Variants in C8orf34 observed in about 807,000 individuals in gnomAD.
C8orf34 encodes the protein chromosome 8 open reading frame 34, also known as uncharacterized protein C8orf34.
In C8orf34, 65 loss-of-function variants were observed where a neutral mutation model predicts 68.3. The observed-to-expected ratio is 0.95, with a 90% confidence interval of 0.78 to 1.17. The LOEUF (loss-of-function observed/expected upper bound fraction) is 1.17. C8orf34 is among the 50% of genes most tolerant of loss of function. The pLI, the probability that C8orf34 is intolerant of heterozygous loss-of-function variation, is 0.00. For missense variants in C8orf34, 664 were observed against 655.4 expected (o/e 1.01, Z -0.14); for synonymous variants, 244 against 241.2 (o/e 1.01, Z -0.11).
chr8:68,755,510 C>A (rs1390575845), intron 10 of C8orf34, among the ~76,000 whole-genome samples: 1 of 152,030 alleles, frequency 6.6e-6, no homozygotes, highest in African/African-American at 2.4e-5. Context: ...TATCTGATAC[C>A]AATTTTACAG....
At chr8:68,383,973 A>T (rs917790808) in intron 1 of C8orf34, among the ~76,000 whole-genome samples, 5 of 152,224 alleles carry the variant, frequency 3.3e-5, no homozygotes, top group Non-Finnish European at 7.3e-5. Flanking sequence ...GGATTTTGGT[A>T]TAGATGCTGG....
chr8:68,662,505 T>A (rs1468950011), intron 8 of C8orf34, among the ~76,000 whole-genome samples: 1 of 152,166 alleles, frequency 6.6e-6, no homozygotes, highest in Non-Finnish European at 1.5e-5. Context: ...CTCGTTGTGG[T>A]GAATAAGTCT....
At chr8:68,800,368 T>G (rs958375163) in intron 12 of C8orf34, among the ~76,000 whole-genome samples, 10 of 151,960 alleles carry the variant, frequency 6.6e-5, no homozygotes, top group Non-Finnish European at 7.4e-5. Context: ...GTAATTTGGG[T>G]TTTTTTTAAG....
At chr8:68,493,423 C>A (rs1793544959) in intron 5 of C8orf34, among the ~76,000 whole-genome samples, 1 of 152,054 alleles carries the variant, frequency 6.6e-6, no homozygotes, top group Admixed American at 6.6e-5. Context: ...GATGAGATAC[C>A]CTCTGAGACC....
At chr8:68,399,026 A>C (rs1808839032) in intron 1 of C8orf34, among the ~76,000 whole-genome samples, 1 of 152,100 alleles carries the variant, frequency 6.6e-6, no homozygotes, top group South Asian at 2.1e-4. Flanking sequence ...TCCCATCTTC[A>C]TTTTGTACTG....
chr8:68,604,975 T>C (rs1817812519), intron 7 of C8orf34, among the ~76,000 whole-genome samples: 1 of 151,994 alleles, frequency 6.6e-6, no homozygotes, highest in Admixed American at 6.6e-5. Context: ...AAGACTATCA[T>C]CCAAAATATA....
intron 4 of C8orf34, among the ~76,000 whole-genome samples, chr8:68,469,998 A>G (rs1227252458): frequency 1.3e-4 from 20 of 151,336 alleles, no homozygotes; most frequent in Admixed American, 1.3e-3. Flanking sequence ...TCTTCATTAG[A>G]CCCTTCTATA....
intron 1 of C8orf34, among the ~76,000 whole-genome samples, chr8:68,348,458 T>C (rs1179639083): frequency 2.0e-5 from 3 of 152,110 alleles, no homozygotes; most frequent in African/African-American, 7.2e-5. Flanking sequence ...TTGTTTATCG[T>C]TCCATATGAA....
chr8:68,677,350 A>C lies in C8orf34; in HGVS notation c.1242-31644A>C, dbSNP rs116560830. On this transcript the variant is annotated intron_variant, in intron 8 of 13. Coordinates refer to ENST00000518698, the MANE Select transcript of C8orf34 (RefSeq NM_052958.4). Reference sequence around the variant, plus strand: ...AGAAAAACTTCAAATAAACAACCTAATGATGCATCTTTTTTTTTCTTTTTT... The same window carrying C: ...AGAAAAACTTCAAATAAACAACCTACTGATGCATCTTTTTTTTTCTTTTTT... Among the ~76,000 whole-genome samples the C allele has an allele frequency of 2.2e-3, 332 of 152,142 alleles. 1 individual carries two copies. Among genetic ancestry groups the C allele is most frequent in the African/African-American group, 7.6e-3 (314 of 41,536 alleles).
chr8:68,552,608 A>G (rs1816110206), intron 7 of C8orf34, among the ~76,000 whole-genome samples: 1 of 152,122 alleles, frequency 6.6e-6, no homozygotes, highest in Non-Finnish European at 1.5e-5. Context: ...TTCTATATAC[A>G]AGACCAAAAT....
intron 7 of C8orf34, among the ~76,000 whole-genome samples, chr8:68,589,404 A>G (rs1817301189): frequency 6.6e-6 from 1 of 151,658 alleles, no homozygotes; most frequent in South Asian, 2.1e-4. Context: ...GAAGGAAGAG[A>G]GAAAATAAGA....
At chr8:68,623,362 C>G (rs1365182650) in intron 7 of C8orf34, among the ~76,000 whole-genome samples, 9 of 152,136 alleles carry the variant, frequency 5.9e-5, no homozygotes, top group African/African-American at 2.2e-4. Context: ...ATAATTCTTA[C>G]TTGTGGGGGG....
intron 3 of C8orf34, among the ~76,000 whole-genome samples, chr8:68,450,215 C>T (rs1308804559): frequency 1.3e-5 from 2 of 152,132 alleles, no homozygotes; most frequent in East Asian, 3.9e-4. Context: ...TCAGTCACAT[C>T]TTCAGATGCC....
At chr8:68,745,341 AC>A (rs1381579138) in intron 10 of C8orf34, among the ~76,000 whole-genome samples, 1 of 152,140 alleles carries the variant, frequency 6.6e-6, no homozygotes, top group Admixed American at 6.5e-5. Context: ...GAGCAAAATA[AC>A]CAGCTAACAT....
At chr8:68,475,465 C>T (rs1166969549) in intron 4 of C8orf34, among the ~76,000 whole-genome samples, 1 of 152,154 alleles carries the variant, frequency 6.6e-6, no homozygotes, top group Non-Finnish European at 1.5e-5. Context: ...CCTCTGGTTC[C>T]ATTTCATCCT....
chr8:68,751,622 T>C (rs913593513), intron 10 of C8orf34, among the ~76,000 whole-genome samples: 1 of 152,134 alleles, frequency 6.6e-6, no homozygotes, highest in African/African-American at 2.4e-5. Context: ...CAGCCTCTTA[T>C]GCTGTGGGTT....
intron 7 of C8orf34, among the ~76,000 whole-genome samples, chr8:68,562,587 A>G (rs1406054202): frequency 6.6e-6 from 1 of 152,186 alleles, no homozygotes; most frequent in Non-Finnish European, 1.5e-5. Flanking sequence ...ATGCAGCCTG[A>G]TTTGTCCTAA....
intron 8 of C8orf34, among the ~76,000 whole-genome samples, chr8:68,656,881 A>G (rs566609752): frequency 3.9e-5 from 6 of 152,346 alleles, no homozygotes; most frequent in Non-Finnish European, 7.3e-5. Context: ...TCCAGTCAAC[A>G]TAATAAAGAG....
At chr8:68,805,441 T>C (rs1769447645) in intron 12 of C8orf34, among the ~76,000 whole-genome samples, 1 of 152,234 alleles carries the variant, frequency 6.6e-6, no homozygotes, top group African/African-American at 2.4e-5. Flanking sequence ...GAGCTGTGTG[T>C]CAACACCTCC....
Sources: gnomAD v4.1 joint callset for allele counts (sites outside exome capture counted in the v4.1 genomes callset) on GRCh38, gnomAD v4.1.1 for gene constraint, MANE v1.5 for transcripts, NCBI Gene and HGNC (gene_info 2026-07-23, HGNC 2026-07-21) for gene names.